SV2C: variants seen among roughly 807,000 people sequenced by gnomAD.
SV2C encodes solute carrier family 22 member B3.
In SV2C, 49 loss-of-function variants were observed where a neutral mutation model predicts 79.7. The observed-to-expected ratio is 0.61, with a 90% CI of 0.49 to 0.78. The LOEUF (loss-of-function observed/expected upper bound fraction) is 0.78. Among genes scored for constraint, SV2C ranks in the 30% least tolerant of loss-of-function variants. SV2C has a pLI of 0.00. For synonymous variants in SV2C, 334 were observed against 333.2 expected (o/e 1.00, Z -0.03); for missense variants, 833 against 912.9 (o/e 0.91, Z 1.13).
chr5:75,910,967 C>A, the SV2C span: 1 of 909,630 alleles, frequency 1.1e-6, no homozygotes, highest in Middle Eastern at 2.2e-4. Context: ...CATTTATCCC[C>A]CAGTTCGAAC....
chr5:76,132,220 T>C lies in SV2C; in HGVS notation c.470T>C (p.Val157Ala). 6.2e-7 allele frequency: 1 copy of C among 1,614,124 alleles called. No individual in the cohort carries two copies. Among genetic ancestry groups the C allele is most frequent in the Non-Finnish European group, 8.5e-7 (1 of 1,180,020 alleles). ...HGRFQWALFFVLGMALMADGV... is the reference protein window; with the variant it reads ...HGRFQWALFFALGMALMADGV... ...CGTTTTCAGTGGGCCCTTTTCTTCG[T>C]CCTGGGCATGGCTCTTATGGCAGAC... The change falls in exon 2 of 13, where the codon GTC becomes GCC. Residue 157 changes from valine to alanine, a missense_variant. Coordinates refer to ENST00000502798, the MANE Select transcript of SV2C (RefSeq NM_014979.4).
chr5:75,929,531 T>C, the SV2C span, among the ~76,000 whole-genome samples: 1 of 152,168 alleles, frequency 6.6e-6, no homozygotes, highest in African/African-American at 2.4e-5. Context: ...ATTATAAAGA[T>C]GCAGAGCTCT....
chr5:75,849,992 G>A, the SV2C span, among the ~76,000 whole-genome samples: 2 of 151,798 alleles, frequency 1.3e-5, 1 homozygote, highest in South Asian at 4.2e-4. Context: ...ATGGCTAATG[G>A]TTTTCTGAAG....
At chr5:75,910,166 G>A in the SV2C span, 1 of 322,590 alleles carries the variant, frequency 3.1e-6, no homozygotes, top group African/African-American at 2.2e-5. Context: ...ACCAGGTGCA[G>A]TGGTTCAAGC....
the SV2C span, among the ~76,000 whole-genome samples, chr5:76,000,901 A>G: frequency 6.6e-6 from 1 of 152,072 alleles, no homozygotes; most frequent in Non-Finnish European, 1.5e-5. Flanking sequence ...ACTGATTTTC[A>G]TGCTTAAATA....
chr5:76,160,115 G>C (rs144778587), intron 2 of SV2C, among the ~76,000 whole-genome samples: 1 of 152,146 alleles, frequency 6.6e-6, no homozygotes, highest in African/African-American at 2.4e-5. Flanking sequence ...ACAAGGTTAG[G>C]GTGGAAATCC....
the SV2C span, among the ~76,000 whole-genome samples, chr5:75,912,367 CCTG>C: frequency 3.1e-4 from 47 of 152,196 alleles, no homozygotes; most frequent in African/African-American, 1.1e-3. Flanking sequence ...GTGGCAGGCA[CCTG>C]TAGTTCCAGC....
the SV2C span, among the ~76,000 whole-genome samples, chr5:75,859,733 G>A: frequency 0.041 from 6,168 of 152,144 alleles, 205 homozygotes; most frequent in African/African-American, 0.094. Flanking sequence ...AAACATCTTG[G>A]CTCCTCCTGA....
At chr5:75,896,795 G>T in the SV2C span, among the ~76,000 whole-genome samples, 1 of 149,024 alleles carries the variant, frequency 6.7e-6, no homozygotes. Context: ...TTGTGGTTTT[G>T]ATTTGCATTT....
At chr5:75,861,514 C>T in the SV2C span, among the ~76,000 whole-genome samples, 2 of 152,298 alleles carry the variant, frequency 1.3e-5, no homozygotes, top group South Asian at 2.1e-4. Context: ...CAAAAAGACA[C>T]ATGCACTCAT....
the SV2C span, among the ~76,000 whole-genome samples, chr5:75,964,961 A>G: frequency 6.6e-6 from 1 of 152,194 alleles, no homozygotes; most frequent in Admixed American, 6.6e-5. Flanking sequence ...TAGCATCCCA[A>G]TACAAACCGC....
intron 4 of SV2C, among the ~76,000 whole-genome samples, chr5:76,245,693 A>C (rs1745923150): frequency 6.6e-6 from 1 of 152,132 alleles, no homozygotes; most frequent in African/African-American, 2.4e-5. Context: ...ACAGCTGTTA[A>C]CTCTATATGC....
the SV2C span, among the ~76,000 whole-genome samples, chr5:76,063,807 T>C: frequency 6.6e-6 from 1 of 152,170 alleles, no homozygotes; most frequent in African/African-American, 2.4e-5. Context: ...ACCTTGCCTC[T>C]CCAAGAAACT....
the SV2C span, among the ~76,000 whole-genome samples, chr5:75,860,679 AC>A: frequency 3.3e-5 from 5 of 152,248 alleles, no homozygotes; most frequent in African/African-American, 1.2e-4. Flanking sequence ...ACATTACCTA[AC>A]TTCAAACTAT....
intron 4 of SV2C, among the ~76,000 whole-genome samples, chr5:76,253,387 G>T (rs749020556): frequency 2.3e-4 from 35 of 152,106 alleles, no homozygotes; most frequent in Non-Finnish European, 4.3e-4. Context: ...GGTCTCCCGG[G>T]CTCAAGCGAA....
At chr5:76,301,673 C>G in intron 12 of SV2C, 128 bp downstream of exon 12, 1 of 1,058,628 alleles carries the variant, frequency 9.4e-7, no homozygotes, top group Non-Finnish European at 1.3e-6. Context: ...CTTTGGAAGG[C>G]CAAGGTGGGT....
intron 2 of SV2C, among the ~76,000 whole-genome samples, chr5:76,140,309 C>G (rs1749209560): frequency 6.6e-6 from 1 of 152,170 alleles, no homozygotes; most frequent in Non-Finnish European, 1.5e-5. Flanking sequence ...TTGAAATATA[C>G]AGAATTCATT....
At chr5:76,196,217 C>A (rs1744267784) in intron 3 of SV2C, among the ~76,000 whole-genome samples, 1 of 152,134 alleles carries the variant, frequency 6.6e-6, no homozygotes, top group Non-Finnish European at 1.5e-5. Flanking sequence ...ACATTCTGCA[C>A]ACAATGAGCA....
chr5:75,943,648 G>C, the SV2C span, among the ~76,000 whole-genome samples: 1 of 152,100 alleles, frequency 6.6e-6, no homozygotes, highest in Non-Finnish European at 1.5e-5. Flanking sequence ...GGAGATAGAT[G>C]GTTGACCTTG....
Sources: allele counts gnomAD v4.1 joint callset (sites outside exome capture counted in the v4.1 genomes callset), GRCh38; gene constraint gnomAD v4.1.1; transcripts MANE v1.5; gene names NCBI Gene and HGNC (gene_info 2026-07-23, HGNC 2026-07-21).